MED12L: variants seen among roughly 807,000 people sequenced by gnomAD.
MED12L encodes mediator of RNA polymerase II transcription subunit 12-like protein.
MED12L carries 60 observed loss-of-function variants against 281.3 expected under a neutral mutation model. The observed-to-expected ratio is 0.21, with a 90% CI of 0.17 to 0.26. MED12L has a LOEUF of 0.26. Among genes scored for constraint, MED12L ranks in the 10% least tolerant of loss-of-function variants. The pLI, the probability that MED12L is intolerant of heterozygous loss-of-function variation, is 1.00. For synonymous variants in MED12L, 974 were observed against 987.2 expected (o/e 0.99, Z 0.25); for missense variants, 2,146 against 2,680.9 (o/e 0.80, Z 4.41).
intron 5 of MED12L, among the ~76,000 whole-genome samples, chr3:151,154,311 G>T (rs781323479): frequency 5.9e-5 from 9 of 151,958 alleles, no homozygotes; most frequent in African/African-American, 4.8e-5. Context: ...TTCAGATTGT[G>T]GAATAGTATA....
At chr3:151,323,016 T>A (rs562391652) in intron 16 of MED12L, among the ~76,000 whole-genome samples, 2 of 152,330 alleles carry the variant, frequency 1.3e-5, no homozygotes, top group East Asian at 3.9e-4. Context: ...ACTTCTGTGA[T>A]GATGACCTAG....
At chr3:151,182,839 C>T (rs1722862956) in intron 11 of MED12L, among the ~76,000 whole-genome samples, 1 of 152,080 alleles carries the variant, frequency 6.6e-6, no homozygotes, top group African/African-American at 2.4e-5. Flanking sequence ...GTTTTAGTAG[C>T]TTAGGGGTGA....
At chr3:151,377,967 G>A in intron 30 of MED12L, 45 bp from the exon 31 acceptor site, 1 of 1,521,658 alleles carries the variant, frequency 6.6e-7, no homozygotes, top group Non-Finnish European at 8.9e-7. Flanking sequence ...GTGAGAGCAG[G>A]GGAAAGGATG....
chr3:151,424,436 C>T (rs763275391), intron 43 of MED12L, among the ~76,000 whole-genome samples: 31 of 152,164 alleles, frequency 2.0e-4, no homozygotes, highest in Non-Finnish European at 4.4e-4. Context: ...CTGGCTAACA[C>T]GGTGAAACCT....
chr3:151,151,045 T>TC, intron 5 of MED12L, among the ~76,000 whole-genome samples: 1 of 121,206 alleles, frequency 8.3e-6, no homozygotes, highest in South Asian at 2.9e-4. Flanking sequence ...TTTTTTTTTT[T>TC]TTTTTTTTTG....
intron 17 of MED12L, among the ~76,000 whole-genome samples, chr3:151,351,095 A>C (rs1350543400): frequency 1.3e-5 from 2 of 152,186 alleles, no homozygotes; most frequent in African/African-American, 4.8e-5. Context: ...TAGGAGCCCT[A>C]CTGTTCTGTA....
At chr3:151,276,716 T>C (rs899750209) in intron 16 of MED12L, among the ~76,000 whole-genome samples, 7 of 152,294 alleles carry the variant, frequency 4.6e-5, no homozygotes, top group African/African-American at 4.8e-5. Flanking sequence ...TTCAGCACTT[T>C]AGAAGCATCA....
chr3:151,268,177 A>C (rs2149533151), intron 16 of MED12L, among the ~76,000 whole-genome samples: 1 of 152,212 alleles, frequency 6.6e-6, no homozygotes, highest in African/African-American at 2.4e-5. Context: ...AAGCTACCTA[A>C]ATCCTATAAA....
At chr3:151,118,254 C>T (rs1713179936) in intron 3 of MED12L, among the ~76,000 whole-genome samples, 1 of 152,056 alleles carries the variant, frequency 6.6e-6, no homozygotes, top group Non-Finnish European at 1.5e-5. Flanking sequence ...AGGTGAATTT[C>T]TATTTCCTTT....
intron 20 of MED12L, among the ~76,000 whole-genome samples, chr3:151,358,533 A>G (rs191280888): frequency 1.8e-4 from 27 of 152,266 alleles, no homozygotes; most frequent in Admixed American, 1.8e-3. Context: ...TTAGTTGGTC[A>G]TGAAATGAAT....
At position 151,086,828 on chromosome 3, in the gene MED12L, G is replaced by A. The variant is rs1416679504; in HGVS notation, c.-99G>A. On this transcript the variant is annotated 5_prime_UTR_variant, in exon 2 of 45. Transcript: ENST00000687756. ...CAGCGAGCGAGCGAGCGAGGAGGGG[G>A]AGAGAGGGAGTCTGTCTGCAAAGTG... The A allele has an allele frequency of 2.2e-6, 2 of 897,846 alleles. No homozygotes were observed. Among genetic ancestry groups the A allele is most frequent in the Non-Finnish European group, 1.7e-6 (1 of 594,172 alleles). 55.6% of individuals were successfully genotyped at this position (897,846 alleles called of 1,614,324 possible).
At chr3:151,240,200 G>C (rs1270953296) in intron 16 of MED12L, among the ~76,000 whole-genome samples, 1 of 151,740 alleles carries the variant, frequency 6.6e-6, no homozygotes, top group African/African-American at 2.4e-5. Flanking sequence ...GTAGTCAATG[G>C]GCCTGTGTCA....
intron 43 of MED12L, among the ~76,000 whole-genome samples, chr3:151,419,276 A>G (rs1378640230): frequency 2.0e-5 from 3 of 152,378 alleles, no homozygotes; most frequent in South Asian, 2.1e-4. Context: ...ATTAACTCAC[A>G]TGACCACAAG....
chr3:151,152,085 GTTTTTTTTTTTT>G (rs141353889), intron 5 of MED12L, among the ~76,000 whole-genome samples: 36 of 63,020 alleles, frequency 5.7e-4, no homozygotes, highest in South Asian at 4.0e-3. Flanking sequence ...GTTGAAGGTG[GTTTTTTTTTTTT>G]TTTTTTTTTT....
chr3:151,183,694 A>G (rs1722956687), intron 11 of MED12L, among the ~76,000 whole-genome samples: 2 of 152,234 alleles, frequency 1.3e-5, no homozygotes, highest in South Asian at 2.1e-4. Flanking sequence ...CAGTTCTTCT[A>G]TATGTCTCCC....
intron 4 of MED12L, among the ~76,000 whole-genome samples, chr3:151,124,421 A>C (rs1714200715): frequency 6.6e-6 from 1 of 152,190 alleles, no homozygotes; most frequent in Non-Finnish European, 1.5e-5. Context: ...AAATGATTAA[A>C]TATACCTTGA....
intron 2 of MED12L, among the ~76,000 whole-genome samples, chr3:151,094,968 C>T (rs769079402): frequency 1.3e-5 from 2 of 152,262 alleles, no homozygotes; most frequent in Non-Finnish European, 1.5e-5. Flanking sequence ...TATGTACCTG[C>T]GATCTGCCAA....
At chr3:151,240,927 T>C (rs770128477) in intron 16 of MED12L, among the ~76,000 whole-genome samples, 2 of 152,230 alleles carry the variant, frequency 1.3e-5, no homozygotes, top group Non-Finnish European at 2.9e-5. Flanking sequence ...CCTGAATCAC[T>C]GAACCTCTCT....
intron 43 of MED12L, among the ~76,000 whole-genome samples, chr3:151,424,420 A>C (rs1718619531): frequency 6.6e-6 from 1 of 152,164 alleles, no homozygotes; most frequent in Admixed American, 6.5e-5. Flanking sequence ...GGAGATTGAG[A>C]CCATCCTGGC....
Sources: gnomAD v4.1 joint callset for allele counts (sites outside exome capture counted in the v4.1 genomes callset) on GRCh38, gnomAD v4.1.1 for gene constraint, MANE v1.5 for transcripts, NCBI Gene and HGNC (gene_info 2026-07-23, HGNC 2026-07-21) for gene names.